Variants in GHR observed in about 807,000 individuals in gnomAD.
GHR encodes the protein growth hormone receptor, also known as GH receptor.
GHR carries 35 observed loss-of-function variants against 67.1 expected under a neutral mutation model. The observed-to-expected ratio is 0.52, with a 90% confidence interval of 0.40 to 0.69. The LOEUF (loss-of-function observed/expected upper bound fraction) is 0.69, where lower values mean the gene tolerates loss of function less well. GHR is among the 30% of genes least tolerant of loss of function. GHR has a pLI of 0.00. For synonymous variants in GHR, 272 were observed against 269.1 expected (o/e 1.01, Z -0.10); for missense variants, 792 against 764.6 (o/e 1.04, Z -0.42).
chr5:42,714,704 C>CA (rs1347544920), intron 8 of GHR, among the ~76,000 whole-genome samples: 1 of 151,888 alleles, frequency 6.6e-6, no homozygotes, highest in Non-Finnish European at 1.5e-5. Flanking sequence ...TCCTGTTTTC[C>CA]AAAAAAGCAG....
chr5:42,691,224 G>T (rs1047934595), intron 4 of GHR, among the ~76,000 whole-genome samples: 5 of 152,202 alleles, frequency 3.3e-5, no homozygotes, highest in African/African-American at 1.2e-4. Context: ...CTTAGATTTT[G>T]CCCTGGTAGT....
At chr5:42,690,054 A>C (rs1757351820) in intron 4 of GHR, among the ~76,000 whole-genome samples, 1 of 152,002 alleles carries the variant, frequency 6.6e-6, no homozygotes, top group South Asian at 2.1e-4. Context: ...CCTTTTTTAC[A>C]TTTTAGGCTT....
chr5:42,645,299 C>T (rs1580117018), intron 3 of GHR, among the ~76,000 whole-genome samples: 1 of 152,322 alleles, frequency 6.6e-6, no homozygotes, highest in Non-Finnish European at 1.5e-5. Flanking sequence ...TTGTGCACAG[C>T]TCTGTTGATG....
intron 1 of GHR, among the ~76,000 whole-genome samples, chr5:42,510,640 C>A (rs1216776590): frequency 6.6e-6 from 1 of 152,136 alleles, no homozygotes; most frequent in East Asian, 1.9e-4. Flanking sequence ...AACAGGAAGG[C>A]AGGCAGCTCA....
intron 1 of GHR, among the ~76,000 whole-genome samples, chr5:42,462,903 A>T (rs1234214728): frequency 1.3e-5 from 2 of 152,132 alleles, no homozygotes; most frequent in African/African-American, 4.8e-5. Flanking sequence ...CTGAATGGGA[A>T]CTAGCATACA....
At chr5:42,578,305 G>A (rs752568799) in intron 2 of GHR, among the ~76,000 whole-genome samples, 3 of 152,114 alleles carry the variant, frequency 2.0e-5, no homozygotes, top group Non-Finnish European at 4.4e-5. Context: ...TTGTTGTGGG[G>A]ATCAAATTAG....
intron 4 of GHR, among the ~76,000 whole-genome samples, chr5:42,692,809 C>G (rs554930854): frequency 1.7e-4 from 26 of 152,294 alleles, no homozygotes; most frequent in Admixed American, 1.6e-3. Flanking sequence ...TTTGGAATAT[C>G]TTAATACTTT....
At chr5:42,605,889 A>G (rs1001493526) in intron 2 of GHR, among the ~76,000 whole-genome samples, 1 of 152,232 alleles carries the variant, frequency 6.6e-6, no homozygotes, top group Admixed American at 6.5e-5. Context: ...AGCAGCTAGG[A>G]AAGTCAGAAT....
Position 42,665,653 on chromosome 5 carries a change from G to A in GHR, c.137-23237G>A, listed in dbSNP as rs575292678. 3.9e-5 allele frequency among the ~76,000 whole-genome samples: 6 copies of A among 152,020 alleles called. No homozygotes were observed. The South Asian group carries it at 1.3e-3, about 32-fold the overall frequency. ...GGAGATATACCTAATGCTAAATGAC[G>A]AGTTAATGGGTGCAGCACACCAGCA... On this transcript the variant is annotated intron_variant, in intron 3 of 9. Coordinates refer to ENST00000230882, the MANE Select transcript of GHR (RefSeq NM_000163.5).
intron 2 of GHR, among the ~76,000 whole-genome samples, chr5:42,567,778 T>C (rs1210866597): frequency 1.0e-5 from 1 of 96,194 alleles, no homozygotes; most frequent in Non-Finnish European, 2.7e-5. Flanking sequence ...TGTGTGTGTG[T>C]GTGTGTGTGT....
chr5:42,530,253 A>G (rs936813240), intron 1 of GHR, among the ~76,000 whole-genome samples: 1 of 152,102 alleles, frequency 6.6e-6, no homozygotes, highest in Non-Finnish European at 1.5e-5. Flanking sequence ...CTACAACATA[A>G]TTCAATTAAA....
At chr5:42,613,424 G>A (rs891302235) in intron 2 of GHR, among the ~76,000 whole-genome samples, 3 of 152,134 alleles carry the variant, frequency 2.0e-5, no homozygotes, top group African/African-American at 7.2e-5. Context: ...ATTGGTTAAT[G>A]TATGTTTGAT....
At chr5:42,705,023 C>G (rs1365015375) in intron 6 of GHR, among the ~76,000 whole-genome samples, 1 of 152,066 alleles carries the variant, frequency 6.6e-6, no homozygotes, top group South Asian at 2.1e-4. Flanking sequence ...TTAAAAGGAT[C>G]ATTCTCCATG....
intron 2 of GHR, among the ~76,000 whole-genome samples, chr5:42,579,151 T>TAGAGATAG (rs1344860776): frequency 2.3e-5 from 2 of 88,248 alleles, no homozygotes; most frequent in South Asian, 3.6e-4. Flanking sequence ...GATAGATAGA[T>TAGAGATAG]ATAGATAGAT....
intron 1 of GHR, chr5:42,549,757 G>A (rs1748919811): frequency 1.5e-6 from 1 of 674,034 alleles, no homozygotes; most frequent in East Asian, 1.3e-4. Context: ...AAGTACTGGG[G>A]GGTTTGAAAC....
intron 1 of GHR, among the ~76,000 whole-genome samples, chr5:42,529,999 C>CTTT (rs376534691): frequency 0.03 from 1,645 of 55,380 alleles, no homozygotes; most frequent in Non-Finnish European, 0.038. Context: ...TGAATCACTT[C>CTTT]TTTTTTTTTT....
chr5:42,451,117 A>T (rs1197035160), intron 1 of GHR, among the ~76,000 whole-genome samples: 2 of 152,142 alleles, frequency 1.3e-5, no homozygotes, highest in African/African-American at 2.4e-5. Flanking sequence ...TTTTAGGTAG[A>T]CTGTTCTGTA....
At chr5:42,559,218 G>T (rs1456545001) in intron 1 of GHR, among the ~76,000 whole-genome samples, 1 of 152,078 alleles carries the variant, frequency 6.6e-6, no homozygotes, top group Non-Finnish European at 1.5e-5. Flanking sequence ...GTCATTGCAG[G>T]TACATACCAT....
At chr5:42,453,242 T>G (rs1235033150) in intron 1 of GHR, among the ~76,000 whole-genome samples, 4 of 152,166 alleles carry the variant, frequency 2.6e-5, no homozygotes. Flanking sequence ...GTGAATTCTC[T>G]GTCTCCTGTG....
Sources: allele counts gnomAD v4.1 joint callset (sites outside exome capture counted in the v4.1 genomes callset), GRCh38; gene constraint gnomAD v4.1.1; transcripts MANE v1.5; gene names NCBI Gene and HGNC (gene_info 2026-07-23, HGNC 2026-07-21).